The following DTD1 variants were observed in gnomAD, a reference collection of about 807,000 sequenced individuals.
The protein encoded by DTD1 is D-tyrosyl-tRNA deacylase 1 homolog.
DTD1 carries 13 observed loss-of-function variants against 25.6 expected under a neutral mutation model. The ratio of observed to expected loss-of-function variants is 0.51; its 90% CI spans 0.33 to 0.81. The LOEUF (loss-of-function observed/expected upper bound fraction) is 0.81. Among genes scored for constraint, DTD1 ranks in the 30% least tolerant of loss-of-function variants. The pLI, the probability that DTD1 is intolerant of heterozygous loss-of-function variation, is 0.02. For synonymous variants in DTD1, 110 were observed against 103.6 expected (o/e 1.06, Z -0.37); for missense variants, 193 against 266.4 (o/e 0.72, Z 1.92).
chr20:18,647,554 A>C (rs918782348), intron 4 of DTD1, among the ~76,000 whole-genome samples: 3 of 152,152 alleles, frequency 2.0e-5, no homozygotes, highest in Non-Finnish European at 4.4e-5. Flanking sequence ...AGGGTGGTGC[A>C]TGCCCAGAAG....
intron 4 of DTD1, among the ~76,000 whole-genome samples, chr20:18,715,674 A>G (rs2061177410): frequency 6.6e-6 from 1 of 152,256 alleles, no homozygotes; most frequent in South Asian, 2.1e-4. Context: ...GATGTAATCT[A>G]TAAAATGGTG....
chr20:18,606,765 C>T (rs1479343985), intron 3 of DTD1, among the ~76,000 whole-genome samples: 4 of 49,870 alleles, frequency 8.0e-5, no homozygotes, highest in Non-Finnish European at 8.4e-5. Flanking sequence ...ATATCACACT[C>T]TGGGGACTGT....
intron 4 of DTD1, among the ~76,000 whole-genome samples, chr20:18,721,136 G>C (rs374499404): frequency 6.6e-6 from 1 of 152,154 alleles, no homozygotes; most frequent in African/African-American, 2.4e-5. Flanking sequence ...GAAGTGGCGC[G>C]AACAGACTGT....
At chr20:18,632,741 T>G (rs2060793326) in intron 4 of DTD1, 1 of 826,892 alleles carries the variant, frequency 1.2e-6, no homozygotes. Context: ...TATAAATAAG[T>G]TCTTTAAACT....
intron 4 of DTD1, among the ~76,000 whole-genome samples, chr20:18,644,613 G>A (rs1270525070): frequency 6.6e-6 from 1 of 152,176 alleles, no homozygotes; most frequent in Admixed American, 6.5e-5. Flanking sequence ...ATCATCAAAG[G>A]TTAGGAATAA....
At chr20:18,708,255 T>C (rs1465978393) in intron 4 of DTD1, among the ~76,000 whole-genome samples, 2,641 of 35,356 alleles carry the variant, frequency 0.075, 437 homozygotes, top group South Asian at 0.13. Context: ...ATATATATTA[T>C]ATATATATTT....
intron 4 of DTD1, among the ~76,000 whole-genome samples, chr20:18,736,497 A>G (rs6045574): frequency 1.4e-4 from 22 of 152,262 alleles, no homozygotes; most frequent in African/African-American, 5.1e-4. Flanking sequence ...CTGTCTTTCA[A>G]GGTGCTTCAT....
At chr20:18,627,809 G>A (rs1337326143) in intron 3 of DTD1, among the ~76,000 whole-genome samples, 3 of 152,134 alleles carry the variant, frequency 2.0e-5, no homozygotes, top group African/African-American at 7.2e-5. Flanking sequence ...GGTCTTTCCT[G>A]TGCTGTTCTC....
At chr20:18,701,778 G>T (rs1305421512) in intron 4 of DTD1, among the ~76,000 whole-genome samples, 1 of 152,202 alleles carries the variant, frequency 6.6e-6, no homozygotes, top group Non-Finnish European at 1.5e-5. Context: ...AATGTTCTGT[G>T]TGCTTGCTTT....
rs2060853820 is a variant in DTD1 at position 18,647,287 on chromosome 20, T to C, written c.477+19054T>C. Among the ~76,000 whole-genome samples, 3 of 152,184 alleles carry C rather than the reference T, an allele frequency of 2.0e-5. No individual in the cohort carries two copies. The South Asian group carries it at 6.2e-4, about 31-fold the overall frequency. ...TATTAACTACTTTTCATGTGCCAGATTTCTGTGTGGTGGGTGCTAGAAAGA... is the reference window on the plus strand; with the variant it reads ...TATTAACTACTTTTCATGTGCCAGACTTCTGTGTGGTGGGTGCTAGAAAGA... On this transcript the variant is annotated intron_variant, in intron 4 of 5. Transcript: ENST00000377452.
chr20:18,628,271 G>T (rs375053755), intron 4 of DTD1, 38 bp downstream of exon 4: 432 of 1,555,272 alleles, frequency 2.8e-4, no homozygotes, highest in Non-Finnish European at 3.5e-4. Context: ...CGTCCCTTGG[G>T]TGCCTGTAAC....
chr20:18,680,429 TTTTG>T (rs1278551987), intron 4 of DTD1, among the ~76,000 whole-genome samples: 4 of 126,348 alleles, frequency 3.2e-5, no homozygotes, highest in Non-Finnish European at 3.6e-5. Context: ...TTTTTTTTTT[TTTTG>T]GTCTCACTAT....
At chr20:18,706,339 A>G (rs945991825) in intron 4 of DTD1, among the ~76,000 whole-genome samples, 1 of 152,226 alleles carries the variant, frequency 6.6e-6, no homozygotes, top group Admixed American at 6.5e-5. Flanking sequence ...GGCACCTGGA[A>G]AGACCTTTTT....
intron 4 of DTD1, among the ~76,000 whole-genome samples, chr20:18,700,883 T>C (rs1600378820): frequency 6.6e-6 from 1 of 152,194 alleles, no homozygotes; most frequent in South Asian, 2.1e-4. Context: ...AGACTGGCTG[T>C]AAAATTACTT....
chr20:18,739,832 G>T (rs971856738), intron 4 of DTD1, among the ~76,000 whole-genome samples: 1 of 152,164 alleles, frequency 6.6e-6, no homozygotes, highest in Non-Finnish European at 1.5e-5. Flanking sequence ...CCCAGAAAAG[G>T]CTTAAATTTA....
chr20:18,657,039 A>T (rs186836763), intron 4 of DTD1, among the ~76,000 whole-genome samples: 176 of 152,346 alleles, frequency 1.2e-3, no homozygotes, highest in Middle Eastern at 3.4e-3. Flanking sequence ...CTATAATATA[A>T]TGATCTAAAC....
chr20:18,649,790 A>G (rs550150791), intron 4 of DTD1, among the ~76,000 whole-genome samples: 1 of 152,274 alleles, frequency 6.6e-6, no homozygotes, highest in African/African-American at 2.4e-5. Flanking sequence ...CGCGGTGCTC[A>G]TGGAATCCCA....
In DTD1 at chr20:18,618,245, T is replaced by G. The variant is rs1252631727; in HGVS notation, c.371-9882T>G. On this transcript the variant is annotated intron_variant, in intron 3 of 5. Transcript: ENST00000377452. ...TTCACCCATCTGATAGATATCCCAT[T>G]GTAGTTTTAATGCACAGAGTGTGGT... Among the ~76,000 whole-genome samples, 5 of 152,204 alleles carry G rather than the reference T, an allele frequency of 3.3e-5. No individual in the cohort carries two copies. In the South Asian group the frequency reaches 8.3e-4, roughly 25 times the overall value.
At chr20:18,733,269 C>T (rs2061244752) in intron 4 of DTD1, among the ~76,000 whole-genome samples, 1 of 152,190 alleles carries the variant, frequency 6.6e-6, no homozygotes, top group South Asian at 2.1e-4. Flanking sequence ...CTTCTGGACA[C>T]TTCTGGCCTG....
Sources: gnomAD v4.1 joint callset for allele counts (sites outside exome capture counted in the v4.1 genomes callset) on GRCh38, gnomAD v4.1.1 for gene constraint, MANE v1.5 for transcripts, NCBI Gene and HGNC (gene_info 2026-07-23, HGNC 2026-07-21) for gene names.